The following RYR3 variants were observed in gnomAD, a reference collection of about 807,000 sequenced individuals.
The protein encoded by RYR3 is ryanodine receptor 3, also known as brain ryanodine receptor-calcium release channel.
RYR3 carries 207 observed loss-of-function variants against 584.3 expected under a neutral mutation model. That is an observed-to-expected ratio of 0.35 (90% confidence interval 0.32 to 0.40). The LOEUF (loss-of-function observed/expected upper bound fraction) is 0.40, where lower values mean the gene tolerates loss of function less well. Ranked by LOEUF, RYR3 falls within the 10% of genes least tolerant of loss-of-function variation. RYR3 has a pLI of 1.00. For synonymous variants in RYR3, 2,416 were observed against 2,248.5 expected (o/e 1.07, Z -2.11); for missense variants, 5,616 against 6,089.2 (o/e 0.92, Z 2.59).
Position 33,662,651 on chromosome 15 carries a change from G to A in RYR3, c.5121G>A (p.Gly1707=). Residue 1707 remains glycine (G), a synonymous_variant, in exon 35 of 104, where the codon GGG becomes GGA. Coordinates refer to ENST00000634891, the MANE Select transcript of RYR3 (RefSeq NM_001036.6). ...TGACAGAGGCAGTGCAGTGCAGCGG[G>A]GCCCACATCCGAGACCCTGTAGGGG... is the stretch of plus-strand genomic sequence containing the variant. ...SMLTEAVQCS[G]AHIRDPVGGS... The A allele has an allele frequency of 6.2e-7, 1 of 1,614,082 alleles. No homozygotes were observed. The highest frequency in any genetic ancestry group is 8.5e-7 in the Non-Finnish European group (1 of 1,179,948).
chr15:33,543,771 C>T (rs949035854), intron 8 of RYR3, 56 bp downstream of exon 8: 1 of 1,115,198 alleles, frequency 9.0e-7, no homozygotes, highest in African/African-American at 1.5e-5. Flanking sequence ...ATGACTCAAA[C>T]TAAAGAGTTT....
intron 70 of RYR3, among the ~76,000 whole-genome samples, chr15:33,808,662 C>A (rs2076337630): frequency 6.6e-6 from 1 of 152,098 alleles, no homozygotes; most frequent in African/African-American, 2.4e-5. Context: ...TGAGTCGCAA[C>A]CTTTAGAATT....
chr15:33,535,186 T>C (rs900193581), intron 5 of RYR3, among the ~76,000 whole-genome samples: 3 of 152,352 alleles, frequency 2.0e-5, no homozygotes, highest in African/African-American at 7.2e-5. Context: ...AGAGCCTATG[T>C]TGTTATTCTA....
At chr15:33,775,917 G>A (rs2073966396) in intron 64 of RYR3, among the ~76,000 whole-genome samples, 1 of 152,218 alleles carries the variant, frequency 6.6e-6, no homozygotes, top group South Asian at 2.1e-4. Context: ...TGGAAAGTAT[G>A]TTTCCATTTC....
intron 86 of RYR3, among the ~76,000 whole-genome samples, chr15:33,831,298 T>G (rs1056912702): frequency 7.9e-5 from 12 of 152,298 alleles, no homozygotes; most frequent in African/African-American, 2.4e-4. Flanking sequence ...TGGACCTGTT[T>G]ATAATGTTCA....
rs1249090502 is a variant in RYR3, at chr15:33,864,972, C to T, written c.14518-159C>T. The T allele has an allele frequency of 1.2e-5, 7 of 566,618 alleles. No individual in the cohort carries two copies. The East Asian group carries it at 2.0e-4, about 16-fold the overall frequency. 35.1% of individuals were successfully genotyped at this position (566,618 alleles called of 1,614,324 possible). A position where few individuals can be genotyped will look rare whatever the true frequency, so the allele number is the denominator to read the frequency against. On this transcript the variant is annotated intron_variant, in intron 103 of 103. Coordinates refer to ENST00000634891, the MANE Select transcript of RYR3 (RefSeq NM_001036.6). Reference sequence around the variant, plus strand: ...GAGACATGGCTTCTTGCTTCCCAAACAGCCTGTGCTGGGAATAGAGCAAGA... The same window carrying T: ...GAGACATGGCTTCTTGCTTCCCAAATAGCCTGTGCTGGGAATAGAGCAAGA...
Position 33,595,388 on chromosome 15 carries a change from A to G in RYR3, c.1789-6031A>G, listed in dbSNP as rs545362226. Among the ~76,000 whole-genome samples the G allele has an allele frequency of 2.6e-4, 40 of 152,362 alleles. 1 individual carries two copies. The highest frequency in any genetic ancestry group is 2.5e-3 in the Admixed American group (38 of 15,298). Reference sequence around the variant, plus strand: ...GCCTTTTGTAACCTTTATAATCTTTATTAAGAAGTTGGTTAATGCTTCAAG... The same window carrying G: ...GCCTTTTGTAACCTTTATAATCTTTGTTAAGAAGTTGGTTAATGCTTCAAG... On this transcript the variant is annotated intron_variant, in intron 16 of 103. Coordinates refer to ENST00000634891, the MANE Select transcript of RYR3 (RefSeq NM_001036.6).
At chr15:33,802,060 T>C (rs774192399) in intron 69 of RYR3, 99 bp downstream of exon 69, 1 of 819,884 alleles carries the variant, frequency 1.2e-6, no homozygotes, top group Non-Finnish European at 2.2e-6. Flanking sequence ...CCGTACTGCA[T>C]TTAGGTCAAA....
In RYR3 at chr15:33,739,911, A is replaced by G; in HGVS notation, c.7736A>G (p.Asp2579Gly). 1 of 1,613,808 alleles carries G rather than the reference A, an allele frequency of 6.2e-7. No homozygotes were observed. The highest frequency in any genetic ancestry group is 8.5e-7 in the Non-Finnish European group (1 of 1,179,850). ...IAGALPPDYL[D>G]TRITATLEKQ... is the part of the protein sequence containing the mutation. ...GGGGCCTTGCCACCAGATTATTTAG[A>G]TACCAGAATCACAGCCACGTTGGAG... Residue 2579 changes from aspartate (D) to glycine (G), a missense_variant, in exon 51 of 104, where the codon GAT (aspartate) becomes GGT (glycine). By Grantham distance (94) the Asp-to-Gly change is moderately conservative. Coordinates refer to ENST00000634891, the MANE Select transcript of RYR3 (RefSeq NM_001036.6).
intron 16 of RYR3, among the ~76,000 whole-genome samples, chr15:33,598,401 T>A (rs57852329): frequency 0.082 from 11,309 of 138,302 alleles, 478 homozygotes; most frequent in East Asian, 0.17. Context: ...AGTTTTTTTT[T>A]AAATCTTATT....
chr15:33,500,000 T>C (rs528610268), intron 2 of RYR3, among the ~76,000 whole-genome samples: 1 of 152,336 alleles, frequency 6.6e-6, no homozygotes, highest in South Asian at 2.1e-4. Flanking sequence ...GCAATCTGTC[T>C]ACAGCCACAG....
chr15:33,567,891 G>A (rs2057801168), intron 12 of RYR3, among the ~76,000 whole-genome samples: 1 of 152,126 alleles, frequency 6.6e-6, no homozygotes, highest in African/African-American at 2.4e-5. Context: ...TCTTAACCTT[G>A]GCCACATGCT....
intron 45 of RYR3, among the ~76,000 whole-genome samples, chr15:33,725,976 C>CGCAAAA (rs1555427643): frequency 3.2e-5 from 1 of 31,520 alleles, no homozygotes; most frequent in East Asian, 9.0e-4. Context: ...TCCCCCCCCC[C>CGCAAAA]AAAAAAAAAA....
chr15:33,742,978 C>T (rs1259360123), intron 52 of RYR3, among the ~76,000 whole-genome samples: 1 of 152,182 alleles, frequency 6.6e-6, no homozygotes, highest in Non-Finnish European at 1.5e-5. Flanking sequence ...CACATGAGGT[C>T]AGGCTGTTTA....
intron 1 of RYR3, among the ~76,000 whole-genome samples, chr15:33,435,067 G>A (rs929440925): frequency 6.6e-6 from 1 of 152,000 alleles, no homozygotes; most frequent in Non-Finnish European, 1.5e-5. Context: ...TGATCCGCCC[G>A]CCTCGACCTC....
chr15:33,854,889 T>C lies in RYR3; in HGVS notation c.13984T>C (p.Ser4662Pro). Residue 4662 changes from serine (S) to proline (P), a missense_variant, in exon 98 of 104, where the codon TCT becomes CCT. Ser to Pro is a moderately conservative substitution (Grantham distance 74). Around this residue, in one of 9 missense-constraint regions of RYR3, gnomAD observed 918 missense variants for 887.4 expected, o/e 1.03. Transcript: ENST00000634891. ...CAAGACACTGAGGACCATTCTGTCA[T>C]CTGTAACTCACAATGGCAAACAGGT... ...GFKTLRTILS[S>P]VTHNGKQLVL... 6.2e-7 allele frequency: 1 copy of C among 1,612,244 alleles called. No homozygotes were observed. Among genetic ancestry groups the C allele is most frequent in the Non-Finnish European group, 8.5e-7 (1 of 1,179,362 alleles).
intron 1 of RYR3, among the ~76,000 whole-genome samples, chr15:33,472,633 G>C (rs1278022685): frequency 6.6e-6 from 1 of 152,194 alleles, no homozygotes; most frequent in Non-Finnish European, 1.5e-5. Flanking sequence ...TAAGGAAACT[G>C]TTTTCCTCTC....
chr15:33,740,335 T>C (rs57543026), intron 51 of RYR3, among the ~76,000 whole-genome samples: 7,392 of 152,234 alleles, frequency 0.049, 586 homozygotes, highest in African/African-American at 0.17. Flanking sequence ...TCTTTGCTCA[T>C]GGTGAATTAG....
intron 1 of RYR3, among the ~76,000 whole-genome samples, chr15:33,454,883 G>A (rs1442758482): frequency 2.0e-5 from 3 of 152,174 alleles, no homozygotes; most frequent in Non-Finnish European, 4.4e-5. Context: ...GGAACCAGAT[G>A]AGGAGGAACT....
Sources: gnomAD v4.1 joint callset for allele counts (sites outside exome capture counted in the v4.1 genomes callset) on GRCh38, gnomAD v4.1.1 for gene constraint, gnomAD v4.1.1 regional missense constraint, MANE v1.5 for transcripts, NCBI Gene and HGNC (gene_info 2026-07-23, HGNC 2026-07-21) for gene names.